Variants in KIFAP3 observed in about 807,000 individuals in gnomAD.
KIFAP3 encodes the protein kinesin-associated protein 3.
Under a neutral mutation model 106.5 loss-of-function variants are expected in KIFAP3, and 68 were observed. That is an observed-to-expected ratio of 0.64 (90% CI 0.53 to 0.78). The LOEUF (loss-of-function observed/expected upper bound fraction) is 0.78, where lower values mean the gene tolerates loss of function less well. Among genes scored for constraint, KIFAP3 ranks in the 30% least tolerant of loss-of-function variants. KIFAP3 has a pLI of 0.00. For synonymous variants in KIFAP3, 320 were observed against 311.5 expected, an observed-to-expected ratio of 1.03 and a Z score of -0.29; for missense variants, 780 against 941.8, an observed-to-expected ratio of 0.83 and a Z score of 2.25.
intron 10 of KIFAP3, among the ~76,000 whole-genome samples, chr1:170,015,749 A>G (rs932964010): frequency 2.0e-5 from 3 of 152,174 alleles, no homozygotes; most frequent in African/African-American, 4.8e-5. Flanking sequence ...AGGAGCCCAT[A>G]AAGATGGAAA....
At chr1:169,987,010 A>C (rs1558221879) in intron 11 of KIFAP3, among the ~76,000 whole-genome samples, 1 of 152,074 alleles carries the variant, frequency 6.6e-6, no homozygotes, top group Non-Finnish European at 1.5e-5. Flanking sequence ...ATTAGGACTA[A>C]ATATAAATGG....
chr1:169,946,782 A>T (rs1055533309), intron 19 of KIFAP3, among the ~76,000 whole-genome samples: 1 of 152,006 alleles, frequency 6.6e-6, no homozygotes, highest in Non-Finnish European at 1.5e-5. Context: ...TTATTCTTTG[A>T]ATCTTTTAGA....
At chr1:170,060,145 T>C (rs1217590999) in intron 1 of KIFAP3, among the ~76,000 whole-genome samples, 1 of 152,024 alleles carries the variant, frequency 6.6e-6, no homozygotes, top group African/African-American at 2.4e-5. Context: ...CTATTCAACA[T>C]AGTGTTGGAA....
intron 10 of KIFAP3, among the ~76,000 whole-genome samples, chr1:170,006,133 G>A (rs1404013650): frequency 2.0e-5 from 3 of 152,188 alleles, no homozygotes; most frequent in Admixed American, 6.5e-5. Context: ...TAAATAAGAC[G>A]AAAGGTTCAG....
chr1:169,994,184 G>A (rs941468698), intron 10 of KIFAP3, among the ~76,000 whole-genome samples: 3 of 152,154 alleles, frequency 2.0e-5, no homozygotes, highest in African/African-American at 7.2e-5. Flanking sequence ...TGTTTCAGAT[G>A]AGAAATCTAC....
intron 19 of KIFAP3, among the ~76,000 whole-genome samples, chr1:169,941,299 T>C (rs74786210): frequency 0.011 from 1,652 of 152,300 alleles, 27 homozygotes; most frequent in African/African-American, 0.037. Context: ...AAACCACTCC[T>C]CTTACCCTCC....
intron 1 of KIFAP3, among the ~76,000 whole-genome samples, chr1:170,064,122 C>T (rs1671318451): frequency 6.6e-6 from 1 of 152,100 alleles, no homozygotes; most frequent in Admixed American, 6.5e-5. Flanking sequence ...TTGCTTAATA[C>T]CTTGATATTA....
chr1:169,933,780 C>T (rs1663629658), intron 19 of KIFAP3, among the ~76,000 whole-genome samples: 1 of 151,948 alleles, frequency 6.6e-6, no homozygotes, highest in South Asian at 2.1e-4. Context: ...TGAAATTCAC[C>T]CAAACTAACT....
rs569716613 is a variant in KIFAP3, at chr1:170,071,871, T to C, written c.32+2565A>G. On this transcript the variant is annotated intron_variant, in intron 1 of 19. Transcript: ENST00000361580. ...GCTATATAAAGGAATGAAGTACTGA[T>C]ACATGCTACCACACAGATGGACCTT... Among the ~76,000 whole-genome samples, 3 of 152,350 alleles carry C rather than the reference T, an allele frequency of 2.0e-5. No individual in the cohort carries two copies. In the South Asian group the frequency reaches 6.2e-4, roughly 32 times the overall value.
chr1:170,020,285 A>T (rs1668742973), intron 9 of KIFAP3, among the ~76,000 whole-genome samples: 1 of 152,200 alleles, frequency 6.6e-6, no homozygotes, highest in South Asian at 2.1e-4. Flanking sequence ...ACAGAATAGA[A>T]TAACTCTGAA....
intron 1 of KIFAP3, among the ~76,000 whole-genome samples, chr1:170,055,820 C>T (rs948558483): frequency 2.0e-5 from 3 of 151,994 alleles, no homozygotes; most frequent in African/African-American, 7.3e-5. Flanking sequence ...AAGGCAACTG[C>T]CTTAAAATTT....
At chr1:170,084,665 C>A (rs541123909) in intron 1 of KIFAP3, among the ~76,000 whole-genome samples, 1 of 152,082 alleles carries the variant, frequency 6.6e-6, no homozygotes, top group African/African-American at 2.4e-5. Flanking sequence ...CATACAAGGA[C>A]ACAAAAGTAT....
chr1:170,025,123 G>C (rs1381076503), intron 8 of KIFAP3, among the ~76,000 whole-genome samples: 1 of 152,046 alleles, frequency 6.6e-6, no homozygotes, highest in African/African-American at 2.4e-5. Flanking sequence ...TTTTCTGTTA[G>C]TCACTATAAG....
chr1:170,052,840 T>C (rs1212426785), intron 2 of KIFAP3, among the ~76,000 whole-genome samples: 1 of 152,162 alleles, frequency 6.6e-6, no homozygotes, highest in African/African-American at 2.4e-5. Flanking sequence ...ATGGAACATA[T>C]CTCAAAATAA....
At chr1:170,003,918 T>C (rs1478319990) in intron 10 of KIFAP3, among the ~76,000 whole-genome samples, 3 of 152,118 alleles carry the variant, frequency 2.0e-5, no homozygotes, top group Non-Finnish European at 2.9e-5. Flanking sequence ...GGAAGTCAAA[T>C]TGTCCCTGTT....
intron 19 of KIFAP3, among the ~76,000 whole-genome samples, chr1:169,935,918 C>T (rs1370742529): frequency 1.3e-5 from 2 of 151,922 alleles, no homozygotes; most frequent in African/African-American, 4.8e-5. Flanking sequence ...CATGGAGGAA[C>T]TGAGCAGTTA....
At chr1:169,963,425 G>A (rs1353026822) in intron 17 of KIFAP3, among the ~76,000 whole-genome samples, 4 of 152,176 alleles carry the variant, frequency 2.6e-5, no homozygotes, top group African/African-American at 4.8e-5. Context: ...GCATGTGCAT[G>A]TCTCTTTATG....
intron 5 of KIFAP3, among the ~76,000 whole-genome samples, chr1:170,037,895 C>A (rs1669770951): frequency 6.6e-6 from 1 of 152,160 alleles, no homozygotes; most frequent in South Asian, 2.1e-4. Flanking sequence ...AAAGCAAACA[C>A]TTGATGTGAA....
At chr1:170,046,210 CAAAAAAAAAA>C (rs60580320) in intron 3 of KIFAP3, among the ~76,000 whole-genome samples, 1 of 56,928 alleles carries the variant, frequency 1.8e-5, no homozygotes, top group African/African-American at 6.8e-5. Flanking sequence ...TTCTCTGCTG[CAAAAAAAAAA>C]AAAAAAAAAG....
Sources: gnomAD v4.1 joint callset for allele counts (sites outside exome capture counted in the v4.1 genomes callset) on GRCh38, gnomAD v4.1.1 for gene constraint, MANE v1.5 for transcripts, NCBI Gene and HGNC (gene_info 2026-07-23, HGNC 2026-07-21) for gene names.